Variants in CRHR2 observed in about 807,000 individuals in gnomAD.
CRHR2 encodes the protein corticotropin-releasing hormone receptor 2.
A neutral mutation model predicts 57.9 loss-of-function variants in CRHR2; 53 were observed. The ratio of observed to expected loss-of-function variants is 0.92; its 90% CI spans 0.73 to 1.15. CRHR2 has a LOEUF of 1.15. CRHR2 is among the 50% of genes most tolerant of loss of function. CRHR2 has a pLI of 0.00. For missense variants in CRHR2, 532 were observed against 542.6 expected, an observed-to-expected ratio of 0.98 and a Z score of 0.19; for synonymous variants, 213 against 220.9, an observed-to-expected ratio of 0.96 and a Z score of 0.32.
chr7:30,655,764 C>T (rs1562792676), intron 9 of CRHR2, 49 bp from the exon 10 acceptor site: 13 of 1,597,738 alleles, frequency 8.1e-6, no homozygotes, highest in Admixed American at 1.7e-5. Context: ...GCAGGCAGGG[C>T]CTCACCCAGT....
In CRHR2 at chr7:30,682,411, C is replaced by T; in HGVS notation, c.-131G>A. 2 of 1,362,330 alleles carry T rather than the reference C, an allele frequency of 1.5e-6. No homozygotes were observed. Among genetic ancestry groups the T allele is most frequent in the Non-Finnish European group, 1.9e-6 (2 of 1,064,288 alleles). The allele number at this position is 1,362,330 out of a possible 1,614,324, so 84.4% of individuals were successfully genotyped here. On this transcript the variant is annotated 5_prime_UTR_variant, in exon 1 of 12. Coordinates refer to ENST00000471646, the MANE Select transcript of CRHR2 (RefSeq NM_001883.5). ...CCCCGCCAGCCCAGCCCCGATCTCCCGGGCAGCCTTTGGGCGCCACCTCCG... is the reference window on the plus strand; with the variant it reads ...CCCCGCCAGCCCAGCCCCGATCTCCTGGGCAGCCTTTGGGCGCCACCTCCG...
intron 7 of CRHR2, 132 bp downstream of exon 7, chr7:30,662,024 C>T: frequency 1.1e-6 from 1 of 905,824 alleles, no homozygotes; most frequent in Non-Finnish European, 1.7e-6. Flanking sequence ...AATTTAAGGA[C>T]AACAGGAACG....
chr7:30,656,136 ACCTGTCC>A lies in CRHR2; in HGVS notation c.832-131_832-125del. ...GATGTCCCACGCACACACCTATCCT[ACCTGTCC>A]CCCTAGCACCTGCCAGCATCCCAAG... On this transcript the variant is annotated intron_variant, in intron 8 of 11. Coordinates refer to ENST00000471646, the MANE Select transcript of CRHR2 (RefSeq NM_001883.5). This position sits in a 1 kb window ranked among gnomAD's most constrained non-coding sequence, Gnocchi z 4.4. 2 of 833,536 alleles carry A rather than the reference ACCTGTCC, an allele frequency of 2.4e-6. No homozygotes were observed. 51.6% of individuals were successfully genotyped at this position (833,536 alleles called of 1,614,324 possible).
chr7:30,656,245 AG>A lies in CRHR2; in HGVS notation c.832-234del, dbSNP rs1015621837. On this transcript the variant is annotated intron_variant, in intron 8 of 11. Transcript: ENST00000471646. This position sits in a 1 kb window ranked among gnomAD's most constrained non-coding sequence, Gnocchi z 4.4. ...CTGTGTCTCCAGCCCAGGACTGAGG[AG>A]GAAAGGTGGCAGCCTCTGTGGGTCG... Among the ~76,000 whole-genome samples, 9 of 151,966 alleles carry A rather than the reference AG, an allele frequency of 5.9e-5. No individual in the cohort carries two copies. The highest frequency in any genetic ancestry group is 2.2e-4 in the African/African-American group (9 of 41,364).
intron 6 of CRHR2, 136 bp from the exon 7 acceptor site, chr7:30,662,352 G>C: frequency 2.0e-6 from 2 of 1,019,078 alleles, no homozygotes; most frequent in South Asian, 3.0e-5. Context: ...AACCCCAGGG[G>C]TGCCCTGTCC....
rs546510287 is a variant in CRHR2, at chr7:30,690,431, T to C, written c.-260-1147A>G. Among the ~76,000 whole-genome samples the C allele has an allele frequency of 2.9e-3, 436 of 151,758 alleles. 4 individuals carry two copies. The highest frequency in any genetic ancestry group is 0.01 in the African/African-American group (426 of 41,474). Reference sequence around the variant, plus strand: ...TTGCTCTATGGTCAGCGTGTGTGTGTGTGAGTACATGCACACACGTGTGTG... The same window carrying C: ...TTGCTCTATGGTCAGCGTGTGTGTGCGTGAGTACATGCACACACGTGTGTG... On this transcript the variant is annotated intron_variant, in intron 1 of 13. Coordinates refer to the CRHR2 transcript ENST00000341843.
At position 30,680,842 on chromosome 7, in the gene CRHR2, GT is replaced by G. The variant is rs1784674538; in HGVS notation, c.229+1072del. Among the ~76,000 whole-genome samples the G allele has an allele frequency of 2.0e-5, 3 of 152,038 alleles. No individual in the cohort carries two copies. The South Asian group carries it at 6.2e-4, about 32-fold the overall frequency. Reference sequence around the variant, plus strand: ...CTTGTGTGTGTGTGTGTGTGTGTGTGTGTGTGTGTGTGTATGTGTGGTGGAG... The same window carrying G: ...CTTGTGTGTGTGTGTGTGTGTGTGTGGTGTGTGTGTGTATGTGTGGTGGAG... On this transcript the variant is annotated intron_variant, in intron 2 of 11. Coordinates refer to ENST00000471646, the MANE Select transcript of CRHR2 (RefSeq NM_001883.5).
chr7:30,685,918 G>C (rs1181941316), upstream of CRHR2, among the ~76,000 whole-genome samples: 1 of 152,076 alleles, frequency 6.6e-6, no homozygotes, highest in Non-Finnish European at 1.5e-5. Context: ...CACCTCTTTG[G>C]TATTGCAAAG....
chr7:30,676,912 G>T (rs1172922604), intron 2 of CRHR2, among the ~76,000 whole-genome samples: 1 of 152,228 alleles, frequency 6.6e-6, no homozygotes, highest in South Asian at 2.1e-4. Context: ...CCCCTGTCCT[G>T]GCAGATGCCT....
chr7:30,660,554 G>T lies in CRHR2; in HGVS notation c.831+19C>A, dbSNP rs1468348385. The T allele has an allele frequency of 3.3e-5, 52 of 1,554,828 alleles. No homozygotes were observed. The highest frequency in any genetic ancestry group is 4.4e-5 in the Non-Finnish European group (50 of 1,148,974). On this transcript the variant is annotated intron_variant, in intron 8 of 11. Coordinates refer to ENST00000471646, the MANE Select transcript of CRHR2 (RefSeq NM_001883.5). ...CCTCTTGGCACCCAGCCCCATCCCA[G>T]CCACCGCTGAGGGCTTACCAGGAGC... is the stretch of plus-strand genomic sequence containing the variant.
Position 30,653,223 on chromosome 7 carries a change from C to T in CRHR2, c.*237G>A. The T allele has an allele frequency of 3.7e-6, 2 of 533,494 alleles. No individual in the cohort carries two copies. 33.0% of individuals were successfully genotyped at this position (533,494 alleles called of 1,614,324 possible). A position where few individuals can be genotyped will look rare whatever the true frequency, so the allele number is the denominator to read the frequency against. On this transcript the variant is annotated 3_prime_UTR_variant, in exon 12 of 12. Coordinates refer to ENST00000471646, the MANE Select transcript of CRHR2 (RefSeq NM_001883.5). This position sits in a 1 kb window ranked among gnomAD's most constrained non-coding sequence, Gnocchi z 5.0. ...AATGCCTGCAGACATCTGACTGGCT[C>T]TTCTCAGGGGGTCCTGTGAATTCCC...
Position 30,653,222 on chromosome 7 carries a change from T to C in CRHR2, c.*238A>G. On this transcript the variant is annotated 3_prime_UTR_variant, in exon 12 of 12. Transcript: ENST00000471646. The surrounding 1 kb of genome is among the most constrained non-coding windows in gnomAD (Gnocchi z 5.0). ...AAATGCCTGCAGACATCTGACTGGC[T>C]CTTCTCAGGGGGTCCTGTGAATTCC... The C allele has an allele frequency of 1.9e-6, 1 of 528,928 alleles. No homozygotes were observed. Among genetic ancestry groups the C allele is most frequent in the South Asian group, 2.6e-5 (1 of 38,994 alleles). The allele number at this position is 528,928 out of a possible 1,614,324, so 32.8% of individuals were successfully genotyped here. A position where few individuals can be genotyped will look rare whatever the true frequency, so the allele number is the denominator to read the frequency against.
In CRHR2 at chr7:30,653,502, T is replaced by A; in HGVS notation, c.1194A>T (p.Thr398=). 6.2e-7 allele frequency: 1 copy of A among 1,613,304 alleles called. No individual in the cohort carries two copies. Among genetic ancestry groups the A allele is most frequent in the Non-Finnish European group, 8.5e-7 (1 of 1,179,878 alleles). The change falls in exon 12 of 12, where the codon ACA becomes ACT. Residue 398 remains threonine, a synonymous_variant. Transcript: ENST00000471646. This position sits in a 1 kb window ranked among gnomAD's most constrained non-coding sequence, Gnocchi z 5.0. ...GCTTGATGCTGTGGAAGCTGATCCG[T>A]GTGGGTGATGTAGGGATGGACATGG... is the stretch of plus-strand genomic sequence containing the variant. ...ARAMSIPTSP[T]RISFHSIKQT... is the part of the protein sequence containing the mutation.
chr7:30,668,702 A>C (rs2128143576), intron 2 of CRHR2, among the ~76,000 whole-genome samples: 1 of 152,300 alleles, frequency 6.6e-6, no homozygotes, highest in Non-Finnish European at 1.5e-5. Context: ...CTATTAGCTT[A>C]ATTGTTTTTT....
At chr7:30,681,399 G>A (rs1444527284) in intron 2 of CRHR2, among the ~76,000 whole-genome samples, 1 of 152,188 alleles carries the variant, frequency 6.6e-6, no homozygotes, top group Non-Finnish European at 1.5e-5. Flanking sequence ...ACCTACGCCT[G>A]CATGTCCTCC....
At chr7:30,655,169 G>T (rs1040569471) in intron 10 of CRHR2, 89 bp from the exon 11 acceptor site, 24 of 1,411,822 alleles carry the variant, frequency 1.7e-5, no homozygotes, top group Middle Eastern at 1.8e-4. Flanking sequence ...AAGATGGTGG[G>T]GGGGGGACAA....
chr7:30,660,620 C>T lies in CRHR2; in HGVS notation c.784G>A (p.Asp262Asn), dbSNP rs370359134. 7.1e-5 allele frequency: 112 copies of T among 1,571,680 alleles called. No individual in the cohort carries two copies. Among genetic ancestry groups the T allele is most frequent in the Non-Finnish European group, 9.0e-5 (104 of 1,158,248 alleles). Residue 262 changes from aspartate to asparagine, a missense_variant, in exon 8 of 12, where the codon GAC (aspartate) becomes AAC (asparagine). Transcript: ENST00000471646. ...EQCWFGKEPG[D>N]LVDYIYQGPI... is the part of the protein sequence containing the mutation. The stretch of plus-strand genomic sequence containing the variant: ...CCTTGGTAGATGTAGTCCACCAGGT[C>T]GCCAGGCTCCTTGCCAAACCAGCAC...
At chr7:30,674,155 T>A (rs1784445705) in intron 2 of CRHR2, among the ~76,000 whole-genome samples, 1 of 152,034 alleles carries the variant, frequency 6.6e-6, no homozygotes. Context: ...CAGGAGACAG[T>A]GGGGAAACTG....
At chr7:30,689,512 G>A (rs747447196) in intron 1 of CRHR2, among the ~76,000 whole-genome samples, 2 of 151,800 alleles carry the variant, frequency 1.3e-5, no homozygotes, top group African/African-American at 4.8e-5. Context: ...CCTAGGCAGG[G>A]GTCTGCTCTG....
Sources: gnomAD v4.1 joint callset for allele counts (sites outside exome capture counted in the v4.1 genomes callset) on GRCh38, gnomAD v4.1.1 for gene constraint, Gnocchi (gnomAD v3.1) non-coding constraint, MANE v1.5 for transcripts, NCBI Gene and HGNC (gene_info 2026-07-23, HGNC 2026-07-21) for gene names.